RARB: variants seen among roughly 807,000 people sequenced by gnomAD.
RARB encodes the protein retinoic acid receptor beta, also known as HBV-activated protein.
A neutral mutation model predicts 51.9 loss-of-function variants in RARB; 17 were observed. That is an observed-to-expected ratio of 0.33 (90% CI 0.22 to 0.49). RARB has a LOEUF of 0.49. Among genes scored for constraint, RARB ranks in the 20% least tolerant of loss-of-function variants. The pLI, the probability that RARB is intolerant of heterozygous loss-of-function variation, is 0.99. For missense variants in RARB, 369 were observed against 550.8 expected (o/e 0.67, Z 3.30); for synonymous variants, 215 against 195.4 (o/e 1.10, Z -0.84).
At chr3:25,521,667 C>T (rs992849091) in intron 3 of RARB, among the ~76,000 whole-genome samples, 1 of 152,114 alleles carries the variant, frequency 6.6e-6, no homozygotes, top group African/African-American at 2.4e-5. Flanking sequence ...GAATGTGACA[C>T]CTAGGGGCCA....
In RARB at chr3:25,456,151, A is replaced by AC. The variant is rs1432844635; in HGVS notation, c.158-5042_158-5041insC. Among the ~76,000 whole-genome samples the AC allele has an allele frequency of 3.9e-5, 6 of 152,368 alleles. No homozygotes were observed. The East Asian group carries it at 1.2e-3, about 29-fold the overall frequency. The stretch of plus-strand genomic sequence containing the variant: ...GTGCTTGCCTGCAATAAGGAACAAA[A>AC]TGTTTGAGGCCTCTCAAGGGCATTT... On this transcript the variant is annotated intron_variant, in intron 1 of 7. Coordinates refer to ENST00000330688, the MANE Select transcript of RARB (RefSeq NM_000965.5).
At chr3:24,986,308 A>G (rs543005042) in intron 2 of RARB, among the ~76,000 whole-genome samples, 30 of 152,390 alleles carry the variant, frequency 2.0e-4, no homozygotes, top group Non-Finnish European at 3.8e-4. Flanking sequence ...TTATATGTGT[A>G]TAAGTATTCA....
chr3:25,369,118 T>G (rs1706223474), intron 5 of RARB, among the ~76,000 whole-genome samples: 1 of 152,324 alleles, frequency 6.6e-6, no homozygotes, highest in Admixed American at 6.5e-5. Context: ...TTCTTTCACC[T>G]ATCCTGATTT....
At chr3:25,220,332 T>C (rs1701920323) in intron 5 of RARB, among the ~76,000 whole-genome samples, 1 of 152,194 alleles carries the variant, frequency 6.6e-6, no homozygotes, top group African/African-American at 2.4e-5. Context: ...TTTTAACCAA[T>C]ATTTAAGTTA....
chr3:25,416,895 A>C (rs1354554929), intron 5 of RARB, among the ~76,000 whole-genome samples: 2 of 152,204 alleles, frequency 1.3e-5, no homozygotes, highest in Non-Finnish European at 1.5e-5. Flanking sequence ...TGTTGTGGTA[A>C]TAGCAGTAAG....
intron 4 of RARB, among the ~76,000 whole-genome samples, chr3:25,157,470 C>G (rs1287398236): frequency 1.3e-5 from 2 of 151,842 alleles, no homozygotes; most frequent in Non-Finnish European, 2.9e-5. Context: ...GTAGTGCAAT[C>G]TCAGCTCACT....
chr3:25,124,002 G>A (rs1203787879), intron 3 of RARB, among the ~76,000 whole-genome samples: 1 of 152,120 alleles, frequency 6.6e-6, no homozygotes, highest in Non-Finnish European at 1.5e-5. Context: ...CCTTAGTAAA[G>A]GGAAATTCTC....
intron 5 of RARB, among the ~76,000 whole-genome samples, chr3:25,404,006 T>G (rs755388529): frequency 5.3e-5 from 8 of 151,360 alleles, no homozygotes; most frequent in Non-Finnish European, 1.0e-4. Context: ...CTGGACAAGA[T>G]CCACCTGGAG....
chr3:24,882,686 C>G (rs1387164981), intron 2 of RARB, among the ~76,000 whole-genome samples: 1 of 152,130 alleles, frequency 6.6e-6, no homozygotes, highest in Non-Finnish European at 1.5e-5. Context: ...TTTAACTGCC[C>G]CAACATCTTC....
intron 3 of RARB, among the ~76,000 whole-genome samples, chr3:25,071,318 T>C (rs1425845816): frequency 6.6e-6 from 1 of 152,216 alleles, no homozygotes; most frequent in Non-Finnish European, 1.5e-5. Context: ...CACAAACAGT[T>C]ACTTTGGCTG....
intron 5 of RARB, among the ~76,000 whole-genome samples, chr3:25,224,480 G>A (rs1389450861): frequency 6.6e-6 from 1 of 152,128 alleles, no homozygotes; most frequent in Non-Finnish European, 1.5e-5. Context: ...ACAATGAATG[G>A]CAAAATCTAT....
chr3:25,418,561 AG>A (rs1465716809), intron 5 of RARB, among the ~76,000 whole-genome samples: 1 of 152,142 alleles, frequency 6.6e-6, no homozygotes. Context: ...CCAGTCTCAG[AG>A]GTCTACCATT....
chr3:24,876,557 A>T (rs1378598522), intron 2 of RARB, among the ~76,000 whole-genome samples: 1 of 152,156 alleles, frequency 6.6e-6, no homozygotes, highest in East Asian at 1.9e-4. Context: ...ACATATTAGC[A>T]TTTAATATTT....
chr3:25,092,386 C>A (rs189543805), intron 3 of RARB, among the ~76,000 whole-genome samples: 2 of 152,028 alleles, frequency 1.3e-5, no homozygotes, highest in Non-Finnish European at 2.9e-5. Flanking sequence ...AACAAAAAAA[C>A]CTCTTTCCAT....
At position 25,451,772 on chromosome 3, in the gene RARB, C is replaced by T. The variant is rs544423795; in HGVS notation, c.158-9421C>T. 5.3e-5 allele frequency among the ~76,000 whole-genome samples: 8 copies of T among 152,048 alleles called. No homozygotes were observed. In the South Asian group the frequency reaches 6.2e-4, roughly 12 times the overall value. ...AAATAGATATATAGTACATAAGCAA[C>T]GAATGTGTGTGTGGATATCTGAAAT... On this transcript the variant is annotated intron_variant, in intron 1 of 7. Transcript: ENST00000330688.
At chr3:25,332,006 CAG>C (rs1035687258) in intron 5 of RARB, among the ~76,000 whole-genome samples, 5 of 152,180 alleles carry the variant, frequency 3.3e-5, no homozygotes, top group Admixed American at 2.6e-4. Context: ...AGACCAATAA[CAG>C]GGTCTGAAAT....
At chr3:25,283,758 G>T (rs921336272) in intron 5 of RARB, among the ~76,000 whole-genome samples, 10 of 152,190 alleles carry the variant, frequency 6.6e-5, no homozygotes, top group African/African-American at 2.4e-4. Context: ...TTCTAAGGGG[G>T]CAGTTTGTGA....
intron 2 of RARB, among the ~76,000 whole-genome samples, chr3:24,973,589 A>G (rs939901326): frequency 1.3e-5 from 2 of 152,178 alleles, no homozygotes; most frequent in African/African-American, 4.8e-5. Flanking sequence ...ATCTATGAGC[A>G]TGGAATATCT....
intron 2 of RARB, among the ~76,000 whole-genome samples, chr3:24,883,356 T>TTGTGTGTGTGTGTGTGTGTG (rs3057218): frequency 9.7e-5 from 14 of 143,672 alleles, no homozygotes; most frequent in South Asian, 2.3e-4. Flanking sequence ...TCAACAATCA[T>TTGTGTGTGTGTGTGTGTGTG]TGTGTGTGTG....
Sources: allele counts gnomAD v4.1 joint callset (sites outside exome capture counted in the v4.1 genomes callset), GRCh38; gene constraint gnomAD v4.1.1; transcripts MANE v1.5; gene names NCBI Gene and HGNC (gene_info 2026-07-23, HGNC 2026-07-21).